Variants in SYNE2 observed in about 807,000 individuals in gnomAD.
The protein encoded by SYNE2 is spectrin repeat containing nuclear envelope protein 2.
Under a neutral mutation model 856.3 loss-of-function variants are expected in SYNE2, and 431 were observed. The ratio of observed to expected loss-of-function variants is 0.50; its 90% confidence interval spans 0.47 to 0.55. SYNE2 has a LOEUF of 0.55. Ranked by LOEUF, SYNE2 falls within the 20% of genes least tolerant of loss-of-function variation. SYNE2 has a pLI of 0.00. For missense variants in SYNE2, 8,129 were observed against 8,023.2 expected (o/e 1.01, Z -0.50); for synonymous variants, 2,923 against 2,872.3 (o/e 1.02, Z -0.56).
At chr14:64,183,881 G>C (rs2098474518) in intron 96 of SYNE2, among the ~76,000 whole-genome samples, 1 of 150,142 alleles carries the variant, frequency 6.7e-6, no homozygotes, top group Non-Finnish European at 1.5e-5. Flanking sequence ...GTCCAGCTTT[G>C]GCTCAGCATC....
At chr14:63,888,940 G>A (rs1170128920) in intron 1 of SYNE2, among the ~76,000 whole-genome samples, 2 of 151,562 alleles carry the variant, frequency 1.3e-5, no homozygotes, top group Non-Finnish European at 1.5e-5. Context: ...GGTGGCACAC[G>A]CCTGTAATCC....
At chr14:63,929,827 A>G (rs1449018294) in intron 2 of SYNE2, among the ~76,000 whole-genome samples, 2 of 151,972 alleles carry the variant, frequency 1.3e-5, no homozygotes, top group African/African-American at 4.8e-5. Context: ...AGGCATCAGG[A>G]TGAGCCAGCC....
chr14:63,986,334 A>T, intron 18 of SYNE2, 122 bp from the exon 19 acceptor site: 1 of 1,043,766 alleles, frequency 9.6e-7, no homozygotes. Context: ...TCCTAGCCTC[A>T]AGCAATCCTC....
intron 6 of SYNE2, among the ~76,000 whole-genome samples, chr14:63,947,823 G>A (rs1322265951): frequency 6.6e-6 from 1 of 151,960 alleles, no homozygotes; most frequent in Non-Finnish European, 1.5e-5. Flanking sequence ...GGCAACAAGA[G>A]TGAAACTCTG....
intron 45 of SYNE2, among the ~76,000 whole-genome samples, chr14:64,041,983 G>A (rs2097152194): frequency 6.6e-6 from 1 of 152,158 alleles, no homozygotes. Flanking sequence ...ACTACTACCA[G>A]TAATTTTTAC....
intron 94 of SYNE2, among the ~76,000 whole-genome samples, chr14:64,174,626 T>A (rs551182645): frequency 6.4e-4 from 97 of 152,360 alleles, no homozygotes; most frequent in Non-Finnish European, 1.0e-3. Flanking sequence ...TACTCTTAGA[T>A]CCATTTACCT....
intron 1 of SYNE2, among the ~76,000 whole-genome samples, chr14:63,863,128 A>G (rs1237754365): frequency 6.6e-6 from 1 of 152,246 alleles, no homozygotes; most frequent in African/African-American, 2.4e-5. Flanking sequence ...ATGTAAATTA[A>G]GAATTCTCAG....
intron 66 of SYNE2, 80 bp from the exon 67 acceptor site, chr14:64,119,347 G>A (rs2097880200): frequency 1.3e-6 from 2 of 1,559,992 alleles, no homozygotes; most frequent in Admixed American, 1.7e-5. Context: ...TAAGTAAAAA[G>A]AGTAAGTCTT....
intron 47 of SYNE2, among the ~76,000 whole-genome samples, chr14:64,050,821 C>T (rs2097220159): frequency 6.6e-6 from 1 of 151,908 alleles, no homozygotes; most frequent in African/African-American, 2.4e-5. Flanking sequence ...GAATTCGAGA[C>T]CAGCTTGGCC....
At chr14:64,182,644 G>A (rs1335747825) in intron 96 of SYNE2, among the ~76,000 whole-genome samples, 2 of 152,098 alleles carry the variant, frequency 1.3e-5, no homozygotes, top group East Asian at 1.9e-4. Flanking sequence ...ATCTTGCACC[G>A]CCCTTAATCC....
chr14:63,909,017 G>A, intron 1 of SYNE2, 81 bp from the exon 2 acceptor site: 10 of 752,374 alleles, frequency 1.3e-5, no homozygotes, highest in Non-Finnish European at 9.6e-6. Flanking sequence ...GTTTTTGGTT[G>A]CTGCTGTTTT....
At chr14:64,107,734 G>GTT in intron 65 of SYNE2, 127 bp downstream of exon 65, 1 of 812,732 alleles carries the variant, frequency 1.2e-6, no homozygotes, top group Non-Finnish European at 2.2e-6. Context: ...TTTAACATAT[G>GTT]AAGATATGTG....
At chr14:63,935,704 A>G (rs1367508194) in intron 2 of SYNE2, among the ~76,000 whole-genome samples, 3 of 152,202 alleles carry the variant, frequency 2.0e-5, no homozygotes, top group South Asian at 4.1e-4. Flanking sequence ...TATAACAACC[A>G]CAGTGATAAT....
intron 2 of SYNE2, among the ~76,000 whole-genome samples, chr14:63,927,692 G>A (rs1044337309): frequency 6.6e-6 from 1 of 152,062 alleles, no homozygotes; most frequent in African/African-American, 2.4e-5. Flanking sequence ...AGGAGATTGA[G>A]ACCAGCCTGG....
At chr14:64,222,603 G>A (rs1483585644) in intron 112 of SYNE2, among the ~76,000 whole-genome samples, 1 of 152,168 alleles carries the variant, frequency 6.6e-6, no homozygotes, top group Non-Finnish European at 1.5e-5. Context: ...GCAGGCGCCT[G>A]TAATCCCAGC....
upstream of SYNE2, among the ~76,000 whole-genome samples, chr14:63,851,178 T>C (rs776614582): frequency 6.6e-6 from 1 of 152,108 alleles, no homozygotes; most frequent in Non-Finnish European, 1.5e-5. Flanking sequence ...CTGGCCAAGA[T>C]GGTGAAACCC....
At chr14:64,038,854 C>T (rs890553528) in intron 45 of SYNE2, among the ~76,000 whole-genome samples, 26 of 107,514 alleles carry the variant, frequency 2.4e-4, no homozygotes, top group Non-Finnish European at 3.9e-4. Context: ...AGAGGGAGAC[C>T]GTGGGGAGAG....
At chr14:64,091,287 A>C (rs1314162424) in intron 60 of SYNE2, among the ~76,000 whole-genome samples, 2 of 152,194 alleles carry the variant, frequency 1.3e-5, no homozygotes. Context: ...GTTGACCTAC[A>C]TGGGCAAAAT....
At position 64,218,418 on chromosome 14, in the gene SYNE2, A is replaced by C. The variant is rs1302000085; in HGVS notation, c.19563A>C (p.Pro6521=). The change falls in exon 109 of 116, where the codon CCA becomes CCC. Residue 6521 remains proline (P), a synonymous_variant. Transcript: ENST00000555002. ...TCTAGGGAAAGCTACTATTACCTCCAGGCACGGATGGTGGCAAAGAAGGCC... is the reference window on the plus strand; with the variant it reads ...TCTAGGGAAAGCTACTATTACCTCCCGGCACGGATGGTGGCAAAGAAGGCC... ...KPPYGKLLLP[P]GTDGGKEGPR... is the part of the protein sequence containing the mutation. The C allele has an allele frequency of 1.9e-6, 3 of 1,614,086 alleles. No individual in the cohort carries two copies. The highest frequency in any genetic ancestry group is 2.5e-6 in the Non-Finnish European group (3 of 1,180,002).
Sources: gnomAD v4.1 joint callset for allele counts (sites outside exome capture counted in the v4.1 genomes callset) on GRCh38, gnomAD v4.1.1 for gene constraint, MANE v1.5 for transcripts, NCBI Gene and HGNC (gene_info 2026-07-23, HGNC 2026-07-21) for gene names.